PRKG1: variants seen among roughly 807,000 people sequenced by gnomAD.
PRKG1 encodes the protein protein kinase cGMP-dependent 1, also known as cGMP-dependent protein kinase 1.
In PRKG1, 35 loss-of-function variants were observed where a neutral mutation model predicts 88.1. The observed-to-expected ratio is 0.40, with a 90% CI of 0.30 to 0.53. The LOEUF (loss-of-function observed/expected upper bound fraction) is 0.53. Ranked by LOEUF, PRKG1 falls within the 20% of genes least tolerant of loss-of-function variation. The probability of loss-of-function intolerance (pLI) is 0.59; values close to 1 mark genes in which losing one functional copy is unlikely to be tolerated. For missense variants in PRKG1, 540 were observed against 839.8 expected, an observed-to-expected ratio of 0.64 and a Z score of 4.41; for synonymous variants, 303 against 292.5, an observed-to-expected ratio of 1.04 and a Z score of -0.37.
chr10:52,136,173 A>G, intron 8 of PRKG1, among the ~76,000 whole-genome samples: 1 of 152,114 alleles, frequency 6.6e-6, no homozygotes, highest in Non-Finnish European at 1.5e-5. Flanking sequence ...AAAGGAAGTG[A>G]GAACACTGAG....
upstream of PRKG1, chr10:51,074,459 G>C (rs1051161283): frequency 1.4e-6 from 2 of 1,460,574 alleles, no homozygotes; most frequent in Non-Finnish European, 1.8e-6. Context: ...GCCAGGGCTG[G>C]CTTTGGTCTC....
At chr10:51,014,248 G>A (rs1008743504) in intron 1 of PRKG1, among the ~76,000 whole-genome samples, 13 of 151,598 alleles carry the variant, frequency 8.6e-5, no homozygotes, top group African/African-American at 2.7e-4. Flanking sequence ...AGGGCTTTAG[G>A]CTCACTGATT....
At chr10:52,249,466 A>T (rs1474123569) in intron 9 of PRKG1, among the ~76,000 whole-genome samples, 1 of 152,068 alleles carries the variant, frequency 6.6e-6, no homozygotes, top group East Asian at 1.9e-4. Flanking sequence ...CAAGGCTTAA[A>T]TTAATTGTTT....
chr10:51,202,664 G>T (rs1268475864), intron 2 of PRKG1, among the ~76,000 whole-genome samples: 2 of 152,186 alleles, frequency 1.3e-5, no homozygotes, highest in African/African-American at 2.4e-5. Context: ...AGTTTATGGG[G>T]TTTAAACAAA....
intron 7 of PRKG1, among the ~76,000 whole-genome samples, chr10:52,130,012 G>A (rs1837212936): frequency 6.6e-6 from 1 of 152,228 alleles, no homozygotes; most frequent in East Asian, 1.9e-4. Context: ...GACTTTGGGT[G>A]CATTCCCTAA....
intron 4 of PRKG1, among the ~76,000 whole-genome samples, chr10:51,810,613 C>G (rs1166181477): frequency 1.3e-5 from 2 of 152,100 alleles, no homozygotes; most frequent in African/African-American, 4.8e-5. Context: ...CCCTTATTCT[C>G]TAAAACAATA....
At chr10:52,008,794 G>A (rs1263173174) in intron 5 of PRKG1, among the ~76,000 whole-genome samples, 1 of 152,032 alleles carries the variant, frequency 6.6e-6, no homozygotes, top group Non-Finnish European at 1.5e-5. Context: ...CAAAATACTA[G>A]CAAAATGAAT....
chr10:52,178,919 T>C (rs1838938133), intron 9 of PRKG1, among the ~76,000 whole-genome samples: 1 of 151,886 alleles, frequency 6.6e-6, no homozygotes, highest in Non-Finnish European at 1.5e-5. Context: ...AGCCAGCATA[T>C]GGTTGGGTGT....
intron 5 of PRKG1, among the ~76,000 whole-genome samples, chr10:51,934,591 G>A (rs1245124996): frequency 1.3e-5 from 2 of 152,196 alleles, no homozygotes; most frequent in South Asian, 2.1e-4. Context: ...GTCTCTCAGG[G>A]ACCAAGGCTG....
intron 3 of PRKG1, among the ~76,000 whole-genome samples, chr10:51,590,921 C>T (rs573510751): frequency 6.6e-6 from 1 of 152,270 alleles, no homozygotes; most frequent in East Asian, 1.9e-4. Context: ...TTACTTCTGT[C>T]AAACATTGGT....
chr10:51,350,361 G>A (rs1842213236), intron 2 of PRKG1, among the ~76,000 whole-genome samples: 2 of 152,188 alleles, frequency 1.3e-5, no homozygotes, highest in Non-Finnish European at 2.9e-5. Context: ...GAGTCAGGTA[G>A]ATGGGTTCTA....
At chr10:51,088,381 A>C (rs1164746022) in intron 1 of PRKG1, among the ~76,000 whole-genome samples, 7 of 130,518 alleles carry the variant, frequency 5.4e-5, no homozygotes, top group Non-Finnish European at 1.1e-4. Flanking sequence ...ATTTCTATGG[A>C]TTGGTTTTCA....
intron 5 of PRKG1, among the ~76,000 whole-genome samples, chr10:51,998,698 C>T (rs1405713791): frequency 6.6e-6 from 1 of 151,992 alleles, no homozygotes; most frequent in Non-Finnish European, 1.5e-5. Context: ...TGTTACATTA[C>T]CCTATAATTT....
intron 2 of PRKG1, among the ~76,000 whole-genome samples, chr10:51,392,475 T>A (rs908563381): frequency 3.3e-5 from 5 of 152,148 alleles, no homozygotes; most frequent in African/African-American, 9.7e-5. Flanking sequence ...CAGGATCCCA[T>A]GGCAGAAGAA....
intron 1 of PRKG1, among the ~76,000 whole-genome samples, chr10:51,114,472 T>A (rs2131902417): frequency 6.8e-6 from 1 of 147,896 alleles, no homozygotes; most frequent in Middle Eastern, 3.4e-3. Context: ...CATGCCTATG[T>A]TTAGAGGACA....
intron 9 of PRKG1, among the ~76,000 whole-genome samples, chr10:52,193,309 CAG>C (rs1184394748): frequency 6.6e-6 from 1 of 152,028 alleles, no homozygotes; most frequent in African/African-American, 2.4e-5. Context: ...CTTTGGGAAG[CAG>C]AGACGGGTGG....
chr10:51,156,279 C>T (rs547604137), intron 2 of PRKG1, among the ~76,000 whole-genome samples: 10 of 73,996 alleles, frequency 1.4e-4, no homozygotes, highest in Admixed American at 5.5e-4. Flanking sequence ...AGGAAGCAAA[C>T]GAAGTTATTT....
At chr10:51,240,088 A>G (rs1332945792) in intron 2 of PRKG1, among the ~76,000 whole-genome samples, 1 of 152,172 alleles carries the variant, frequency 6.6e-6, no homozygotes, top group Admixed American at 6.5e-5. Context: ...AAACATTTCT[A>G]GTTATATATT....
chr10:51,257,323 G>A (rs932855604), intron 2 of PRKG1, among the ~76,000 whole-genome samples: 1 of 152,162 alleles, frequency 6.6e-6, no homozygotes, highest in African/African-American at 2.4e-5. Context: ...AGAGAGGATG[G>A]CATGTGCGGG....
Sources: allele counts gnomAD v4.1 joint callset (sites outside exome capture counted in the v4.1 genomes callset), GRCh38; gene constraint gnomAD v4.1.1; transcripts MANE v1.5; gene names NCBI Gene and HGNC (gene_info 2026-07-23, HGNC 2026-07-21).